Variants in CTNNA2 observed in about 807,000 individuals in gnomAD.
The protein encoded by CTNNA2 is catenin alpha-2.
In CTNNA2, 42 loss-of-function variants were observed where a neutral mutation model predicts 101.0. That is an observed-to-expected ratio of 0.42 (90% confidence interval 0.32 to 0.54). The LOEUF is 0.54. Among genes scored for constraint, CTNNA2 ranks in the 20% least tolerant of loss-of-function variants. The pLI is 0.14. For synonymous variants in CTNNA2, 450 were observed against 456.4 expected (o/e 0.99, Z 0.18); for missense variants, 871 against 1,223.1 (o/e 0.71, Z 4.29).
At position 79,951,716 on chromosome 2, in the gene CTNNA2, G is replaced by A. The variant is rs546597477; in HGVS notation, c.1056+41919G>A. Among the ~76,000 whole-genome samples the A allele has an allele frequency of 1.9e-4, 29 of 151,214 alleles. 1 individual carries two copies. The South Asian group carries it at 5.1e-3, about 26-fold the overall frequency. On this transcript the variant is annotated intron_variant, in intron 7 of 18. Coordinates refer to ENST00000402739, the MANE Select transcript of CTNNA2 (RefSeq NM_001282597.3). ...AATAAAATAAAATAAAATAAAATAA[G>A]TACCCATAAAAGCATCTTTGTTTCT...
At chr2:79,980,614 A>G (rs1454189859) in intron 7 of CTNNA2, among the ~76,000 whole-genome samples, 1 of 152,178 alleles carries the variant, frequency 6.6e-6, no homozygotes, top group Non-Finnish European at 1.5e-5. Flanking sequence ...ATGTAAACAT[A>G]TTTAAAATCG....
intron 11 of CTNNA2, among the ~76,000 whole-genome samples, chr2:80,554,172 T>C (rs1334872534): frequency 6.6e-6 from 1 of 152,160 alleles, no homozygotes; most frequent in Non-Finnish European, 1.5e-5. Flanking sequence ...ATTTTCTTTC[T>C]AAGTGCTTAA....
At chr2:80,606,414 C>CACACACACACACACCCA (rs1558638318) in intron 16 of CTNNA2, among the ~76,000 whole-genome samples, 2 of 51,634 alleles carry the variant, frequency 3.9e-5, no homozygotes, top group South Asian at 6.8e-4. Context: ...ACACACACAC[C>CACACACACACACACCCA]CCCCAGGATA....
chr2:79,766,478 C>G (rs1157241778), intron 3 of CTNNA2, among the ~76,000 whole-genome samples: 1 of 152,142 alleles, frequency 6.6e-6, no homozygotes, highest in Non-Finnish European at 1.5e-5. Context: ...TGGTCTTTGA[C>G]AGATTTGATT....
chr2:79,783,028 A>T (rs142764938), intron 3 of CTNNA2, among the ~76,000 whole-genome samples: 2 of 149,356 alleles, frequency 1.3e-5, no homozygotes, highest in African/African-American at 4.9e-5. Flanking sequence ...CCTAATTGTC[A>T]GCAATTGTGC....
intron 9 of CTNNA2, among the ~76,000 whole-genome samples, chr2:80,426,110 C>T (rs989977882): frequency 6.6e-6 from 1 of 152,100 alleles, no homozygotes; most frequent in Non-Finnish European, 1.5e-5. Context: ...CTCTCATCTT[C>T]AGAATCATGC....
intron 1 of CTNNA2, among the ~76,000 whole-genome samples, chr2:79,588,556 A>G (rs17017314): frequency 0.031 from 4,762 of 152,278 alleles, 231 homozygotes; most frequent in African/African-American, 0.1. Flanking sequence ...TCCATTCCAG[A>G]AATTAATTAA....
At chr2:79,852,083 A>G (rs897439869) in intron 3 of CTNNA2, among the ~76,000 whole-genome samples, 7 of 152,166 alleles carry the variant, frequency 4.6e-5, no homozygotes, top group African/African-American at 7.2e-5. Context: ...GAGAAATATA[A>G]AAAACATGAA....
chr2:80,145,340 T>G (rs1466219813), intron 7 of CTNNA2, among the ~76,000 whole-genome samples: 2 of 152,142 alleles, frequency 1.3e-5, no homozygotes, highest in Non-Finnish European at 2.9e-5. Context: ...ATCCAACAAA[T>G]ATTTATTGAG....
intron 4 of CTNNA2, among the ~76,000 whole-genome samples, chr2:79,480,632 C>T (rs542909815): frequency 1.5e-4 from 23 of 152,040 alleles, no homozygotes; most frequent in African/African-American, 5.1e-4. Context: ...TAGATAATTC[C>T]TCAAGTTAAT....
chr2:80,266,794 G>A (rs1364761652), intron 7 of CTNNA2, among the ~76,000 whole-genome samples: 1 of 152,198 alleles, frequency 6.6e-6, no homozygotes, highest in African/African-American at 2.4e-5. Flanking sequence ...TGAGAGATCT[G>A]TGTGTGCCCA....
chr2:79,825,476 T>A (rs1246197771), intron 3 of CTNNA2, among the ~76,000 whole-genome samples: 1 of 151,344 alleles, frequency 6.6e-6, no homozygotes, highest in Non-Finnish European at 1.5e-5. Flanking sequence ...GAAAAAAAAA[T>A]GAAAGATGAA....
At chr2:79,390,385 G>A (rs750625136) in intron 4 of CTNNA2, among the ~76,000 whole-genome samples, 12 of 152,038 alleles carry the variant, frequency 7.9e-5, no homozygotes, top group Admixed American at 2.6e-4. Context: ...CCAGACTTAC[G>A]GGATTTCTCT....
chr2:79,230,330 C>T (rs1461378428), intron 2 of CTNNA2, among the ~76,000 whole-genome samples: 4 of 152,204 alleles, frequency 2.6e-5, no homozygotes, highest in Non-Finnish European at 1.5e-5. Context: ...TTCCAAGCCA[C>T]TCCAGCCATG....
At chr2:80,604,257 CA>C (rs1184837150) in intron 16 of CTNNA2, 78 bp downstream of exon 16, 8 of 1,082,972 alleles carry the variant, frequency 7.4e-6, no homozygotes, top group Non-Finnish European at 9.8e-6. Context: ...TAGTTTTATG[CA>C]CCCTATAAAA....
intron 7 of CTNNA2, among the ~76,000 whole-genome samples, chr2:80,114,420 T>G (rs1438127482): frequency 6.6e-6 from 1 of 152,200 alleles, no homozygotes; most frequent in East Asian, 1.9e-4. Flanking sequence ...TAGATTTTAT[T>G]TGCAGATGGT....
At position 80,624,007 on chromosome 2, in the gene CTNNA2, T is replaced by C. The variant is rs564893949; in HGVS notation, c.2574+4779T>C. Among the ~76,000 whole-genome samples the C allele has an allele frequency of 7.4e-4, 113 of 152,028 alleles. 1 individual carries two copies. Among genetic ancestry groups the C allele is most frequent in the Non-Finnish European group, 1.3e-4 (9 of 67,984 alleles). ...ATTAAATATAAATAATCAGTGATGC[T>C]ATTGAATCTCCTTGAAAGTGAGACA... On this transcript the variant is annotated intron_variant, in intron 18 of 18. Transcript: ENST00000402739.
intron 14 of CTNNA2, among the ~76,000 whole-genome samples, chr2:80,585,290 G>GTAA (rs563619016): frequency 1.1e-3 from 171 of 152,242 alleles, no homozygotes; most frequent in Middle Eastern, 3.4e-3. Context: ...CACTTTTAGT[G>GTAA]TAATAGGTAT....
intron 17 of CTNNA2, 39 bp from the exon 18 acceptor site, chr2:80,619,046 C>A: frequency 8.1e-7 from 1 of 1,234,646 alleles, no homozygotes; most frequent in Non-Finnish European, 1.1e-6. Flanking sequence ...CTTTTGCTCT[C>A]TCTCTCATTC....
Sources: allele counts gnomAD v4.1 joint callset (sites outside exome capture counted in the v4.1 genomes callset), GRCh38; gene constraint gnomAD v4.1.1; transcripts MANE v1.5; gene names NCBI Gene and HGNC (gene_info 2026-07-23, HGNC 2026-07-21).